RBFOX1: variants seen among roughly 807,000 people sequenced by gnomAD.
RBFOX1 encodes the protein RNA binding fox-1 homolog 1.
In RBFOX1, 8 loss-of-function variants were observed where a neutral mutation model predicts 57.7. The observed-to-expected ratio is 0.14, with a 90% CI of 0.08 to 0.25. RBFOX1 has a LOEUF of 0.25. RBFOX1 is among the 10% of genes least tolerant of loss of function. The pLI is 1.00. For synonymous variants in RBFOX1, 326 were observed against 222.4 expected, an observed-to-expected ratio of 1.47 and a Z score of -4.15; for missense variants, 611 against 548.5, an observed-to-expected ratio of 1.11 and a Z score of -1.14.
chr16:6,867,403 C>T (rs1367410651), intron 3 of RBFOX1, among the ~76,000 whole-genome samples: 2 of 151,508 alleles, frequency 1.3e-5, no homozygotes, highest in Non-Finnish European at 2.9e-5. Flanking sequence ...TTTTGTTCAT[C>T]TGAGAAACTA....
At chr16:6,187,552 C>G (rs2097113003) in intron 1 of RBFOX1, among the ~76,000 whole-genome samples, 1 of 152,096 alleles carries the variant, frequency 6.6e-6, no homozygotes, top group South Asian at 2.1e-4. Flanking sequence ...TGTAAGGTGT[C>G]TCTGGAAAAC....
intron 1 of RBFOX1, among the ~76,000 whole-genome samples, chr16:5,323,307 C>T (rs2064464939): frequency 6.6e-6 from 1 of 152,184 alleles, no homozygotes; most frequent in South Asian, 2.1e-4. Context: ...TTCCTTTCTC[C>T]TCCCCTTCCT....
At chr16:6,632,318 A>G (rs2098394890) in intron 2 of RBFOX1, among the ~76,000 whole-genome samples, 1 of 152,006 alleles carries the variant, frequency 6.6e-6, no homozygotes, top group Admixed American at 6.6e-5. Flanking sequence ...CAGTTGTAAT[A>G]AAGATAGCCA....
chr16:6,385,510 C>T (rs1300871549), intron 2 of RBFOX1, among the ~76,000 whole-genome samples: 1 of 152,220 alleles, frequency 6.6e-6, no homozygotes, highest in Non-Finnish European at 1.5e-5. Context: ...CAGGCATGCA[C>T]CACCACACCC....
chr16:6,637,338 C>T (rs186869731), intron 2 of RBFOX1, among the ~76,000 whole-genome samples: 2 of 73,648 alleles, frequency 2.7e-5, no homozygotes, highest in African/African-American at 1.5e-4. Context: ...ATATAATATA[C>T]AAATATATAT....
At chr16:5,581,791 G>A (rs150734881) in intron 2 of RBFOX1, among the ~76,000 whole-genome samples, 1 of 151,790 alleles carries the variant, frequency 6.6e-6, no homozygotes, top group Admixed American at 6.5e-5. Context: ...AGGGAGGAGC[G>A]AGTGGGAGGC....
At chr16:6,686,449 G>A (rs1354180960) in intron 3 of RBFOX1, among the ~76,000 whole-genome samples, 1 of 152,134 alleles carries the variant, frequency 6.6e-6, no homozygotes, top group Admixed American at 6.5e-5. Context: ...TACTCACAAC[G>A]CAGCTTGTTT....
At chr16:5,480,301 G>C (rs192901501) in intron 2 of RBFOX1, among the ~76,000 whole-genome samples, 19 of 151,988 alleles carry the variant, frequency 1.3e-4, no homozygotes, top group African/African-American at 4.3e-4. Flanking sequence ...GTCCCAAAGA[G>C]GATGAGATAA....
intron 3 of RBFOX1, among the ~76,000 whole-genome samples, chr16:6,878,802 C>T (rs2062342927): frequency 6.6e-6 from 1 of 152,178 alleles, no homozygotes; most frequent in South Asian, 2.1e-4. Flanking sequence ...TTGGGCTTTT[C>T]ACAAAGTATA....
chr16:7,616,090 C>T (rs1188734705), intron 10 of RBFOX1, among the ~76,000 whole-genome samples: 1 of 152,168 alleles, frequency 6.6e-6, no homozygotes, highest in African/African-American at 2.4e-5. Flanking sequence ...TGATTTGATA[C>T]CACACAGCTG....
chr16:5,914,531 G>C (rs1053116447), intron 4 of RBFOX1, among the ~76,000 whole-genome samples: 17 of 152,272 alleles, frequency 1.1e-4, no homozygotes, highest in African/African-American at 4.1e-4. Flanking sequence ...CATCATGTGG[G>C]ACTCTCTGTA....
intron 2 of RBFOX1, among the ~76,000 whole-genome samples, chr16:5,543,115 C>T (rs777967912): frequency 1.1e-4 from 16 of 152,070 alleles, no homozygotes; most frequent in African/African-American, 2.2e-4. Context: ...TTAAAGGGAT[C>T]GAACTGTTTT....
intron 3 of RBFOX1, among the ~76,000 whole-genome samples, chr16:5,605,256 G>A (rs966065810): frequency 1.3e-5 from 2 of 152,160 alleles, no homozygotes; most frequent in Non-Finnish European, 2.9e-5. Context: ...AAGGACTTTG[G>A]CTTCCGTGTC....
intron 1 of RBFOX1, among the ~76,000 whole-genome samples, chr16:6,259,896 G>T (rs1239019312): frequency 6.6e-6 from 1 of 151,634 alleles, no homozygotes; most frequent in Non-Finnish European, 1.5e-5. Flanking sequence ...GAGAGATGGA[G>T]GGTGCTGTGA....
intron 14 of RBFOX1, among the ~76,000 whole-genome samples, chr16:7,707,001 T>G (rs955450944): frequency 3.9e-5 from 6 of 152,170 alleles, no homozygotes; most frequent in African/African-American, 1.4e-4. Context: ...CCATTTTTGA[T>G]AAGAAGGACT....
chr16:6,582,734 C>T (rs112336744), intron 2 of RBFOX1, among the ~76,000 whole-genome samples: 7 of 151,322 alleles, frequency 4.6e-5, no homozygotes, highest in African/African-American at 1.7e-4. Flanking sequence ...CCTGACCGCT[C>T]CTTCCTCCCT....
At chr16:7,446,724 C>T (rs1013100563) in intron 4 of RBFOX1, among the ~76,000 whole-genome samples, 1 of 149,494 alleles carries the variant, frequency 6.7e-6, no homozygotes, top group African/African-American at 2.5e-5. Flanking sequence ...GAATTTTTCT[C>T]TTACTAAAGA....
rs1205037416 is a variant in RBFOX1, at chr16:7,007,953, C to T, written c.-15-44104C>T. Among the ~76,000 whole-genome samples, 5 of 152,178 alleles carry T rather than the reference C, an allele frequency of 3.3e-5. No individual in the cohort carries two copies. In the South Asian group the frequency reaches 8.3e-4, roughly 25 times the overall value. ...AGTACAACAGGTGCCGTGAGAAACA[C>T]GTGAAATGGCAACAGATTTCAGAAA... On this transcript the variant is annotated intron_variant, in intron 3 of 15. Coordinates refer to ENST00000550418, the MANE Select transcript of RBFOX1 (RefSeq NM_018723.4).
intron 3 of RBFOX1, among the ~76,000 whole-genome samples, chr16:6,918,543 C>T (rs1301777835): frequency 2.0e-5 from 3 of 152,144 alleles, no homozygotes; most frequent in African/African-American, 7.2e-5. Flanking sequence ...GCAATTCCCT[C>T]CTGATATCCA....
Sources: allele counts gnomAD v4.1 joint callset (sites outside exome capture counted in the v4.1 genomes callset), GRCh38; gene constraint gnomAD v4.1.1; transcripts MANE v1.5; gene names NCBI Gene and HGNC (gene_info 2026-07-23, HGNC 2026-07-21).